PPP1R16A: variants seen among roughly 807,000 people sequenced by gnomAD.
PPP1R16A encodes the protein myosin phosphatase-targeting subunit 3.
PPP1R16A carries 39 observed loss-of-function variants against 46.6 expected under a neutral mutation model. That is an observed-to-expected ratio of 0.84 (90% confidence interval 0.65 to 1.09). The LOEUF (loss-of-function observed/expected upper bound fraction) is 1.09, where lower values mean the gene tolerates loss of function less well. Ranked by LOEUF, PPP1R16A falls within the 50% of genes least tolerant of loss-of-function variation. The pLI is 0.00. For synonymous variants in PPP1R16A, 413 were observed against 321.5 expected, an observed-to-expected ratio of 1.28 and a Z score of -3.04; for missense variants, 798 against 735.6, an observed-to-expected ratio of 1.08 and a Z score of -0.98.
At position 144,500,945 on chromosome 8, in the gene PPP1R16A, C is replaced by T. The variant is rs780826085; in HGVS notation, c.1011C>T (p.Arg337=). ...GCCGCCAGCGCTCCTTGCTGCGCCG[C>T]CGCACCTCCAGCGCCGGCAGCCGCG... ...AQSRQRSLLR[R]RTSSAGSRGK... is the part of the protein sequence containing the mutation. The change falls in exon 10 of 12, where the codon CGC becomes CGT. Residue 337 remains arginine (R), a synonymous_variant. Coordinates refer to ENST00000435887, the MANE Select transcript of PPP1R16A (RefSeq NM_001329443.2). The T allele has an allele frequency of 2.0e-6, 3 of 1,498,058 alleles. No homozygotes were observed. Among genetic ancestry groups the T allele is most frequent in the Non-Finnish European group, 2.7e-6 (3 of 1,130,388 alleles). The allele number at this position is 1,498,058 out of a possible 1,614,324, so 92.8% of individuals were successfully genotyped here.
rs1332663725 is a variant in PPP1R16A, at chr8:144,501,460, C to G, written c.1204-60C>G. ...TCCCTTCATGACCATACAGCCTGAA[C>G]CCAAGGCCAGGGAGGGGGGAGGAGC... is the stretch of plus-strand genomic sequence containing the variant. On this transcript the variant is annotated intron_variant, in intron 11 of 11. Transcript: ENST00000435887. The G allele has an allele frequency of 5.4e-6, 8 of 1,487,160 alleles. No individual in the cohort carries two copies. The Admixed American group carries it at 1.6e-4, about 30-fold the overall frequency. The allele number at this position is 1,487,160 out of a possible 1,614,324, so 92.1% of individuals were successfully genotyped here.
At position 144,499,058 on chromosome 8, in the gene PPP1R16A, C is replaced by A; in HGVS notation, c.473C>A (p.Ala158Asp). ...GHLHLVELLI[A>D]SGANLLAVNT... ...CTGCACCTGGTGGAGCTGCTCATCG[C>A]CAGGTAGGGCCTGTTGGGCGTCCTT... The change falls in exon 5 of 12, where the codon GCC becomes GAC. Residue 158 changes from alanine to aspartate, a missense_variant. By Grantham distance (126) the Ala-to-Asp change is moderately radical (BLOSUM62 -2). Transcript: ENST00000435887. 1 of 1,574,540 alleles carries A rather than the reference C, an allele frequency of 6.4e-7. No individual in the cohort carries two copies. The highest frequency in any genetic ancestry group is 8.6e-7 in the Non-Finnish European group (1 of 1,157,232).
At position 144,500,370 on chromosome 8, in the gene PPP1R16A, C is replaced by T. The variant is rs777485072; in HGVS notation, c.684C>T (p.Pro228=). The change falls in exon 7 of 12, where the codon CCC becomes CCT. Residue 228 remains proline, a synonymous_variant. Coordinates refer to ENST00000435887, the MANE Select transcript of PPP1R16A (RefSeq NM_001329443.2). ...AGGCCGGGGCAGACCTCCATGCCCC[C>T]CTGGACCACGGGGCCACGCTGGTGA... ...RLQAGADLHA[P]LDHGATLLHV... The T allele has an allele frequency of 1.0e-5, 16 of 1,531,784 alleles. No homozygotes were observed. The African/African-American group carries it at 1.9e-4, about 18-fold the overall frequency. 94.9% of individuals were successfully genotyped at this position (1,531,784 alleles called of 1,614,324 possible).
chr8:144,480,272 G>A (rs530374208), intron 1 of PPP1R16A, among the ~76,000 whole-genome samples: 2 of 152,186 alleles, frequency 1.3e-5, no homozygotes, highest in African/African-American at 4.8e-5. Flanking sequence ...ACTGTGAAGG[G>A]CTAGGCAGCA....
chr8:144,489,645 C>G (rs930447310), intron 1 of PPP1R16A, among the ~76,000 whole-genome samples: 1 of 152,168 alleles, frequency 6.6e-6, no homozygotes, highest in Non-Finnish European at 1.5e-5. Flanking sequence ...CTGTACACCC[C>G]GATGCCTTCT....
chr8:144,478,406 C>T (rs1825263575), intron 1 of PPP1R16A: 3 of 323,106 alleles, frequency 9.3e-6, no homozygotes, highest in East Asian at 4.6e-5. Context: ...GCACAGGTCC[C>T]GCCGGGCCGC....
At chr8:144,494,458 G>A (rs368528082) in intron 2 of PPP1R16A, among the ~76,000 whole-genome samples, 64 of 151,730 alleles carry the variant, frequency 4.2e-4, no homozygotes, top group African/African-American at 7.0e-4. Context: ...GACCACAGGC[G>A]CATGCCACCA....
intron 1 of PPP1R16A, among the ~76,000 whole-genome samples, chr8:144,486,748 A>G (rs1162723828): frequency 1.3e-5 from 2 of 152,176 alleles, no homozygotes; most frequent in Non-Finnish European, 2.9e-5. Flanking sequence ...TGTTCTTGAC[A>G]GCAGTCCTTT....
At chr8:144,483,468 G>A (rs989800495) in intron 1 of PPP1R16A, among the ~76,000 whole-genome samples, 18 of 152,284 alleles carry the variant, frequency 1.2e-4, no homozygotes, top group African/African-American at 4.3e-4. Context: ...GGAGTGCAGT[G>A]GCACCATCTT....
At chr8:144,484,523 T>C (rs974195228) in intron 1 of PPP1R16A, among the ~76,000 whole-genome samples, 25 of 152,370 alleles carry the variant, frequency 1.6e-4, no homozygotes, top group African/African-American at 6.0e-4. Flanking sequence ...TTGAGTCTCT[T>C]TTCAAATGCA....
At chr8:144,482,673 T>G (rs77985315) in intron 1 of PPP1R16A, among the ~76,000 whole-genome samples, 1 of 150,386 alleles carries the variant, frequency 6.6e-6, no homozygotes, top group African/African-American at 2.4e-5. Flanking sequence ...TTTTTTTTTT[T>G]TGGGACAGTC....
chr8:144,500,689 C>A lies in PPP1R16A; in HGVS notation c.835C>A (p.Pro279Thr), dbSNP rs749868522. ...LHAAAYWGQV[P>T]LVELLVAHGA... is the part of the protein sequence containing the mutation. ...AGCTCCGGCCTGCCGTCCACAGGTG[C>A]CCCTGGTGGAGCTGCTCGTGGCGCA... Residue 279 changes from proline (P) to threonine (T), a missense_variant, in exon 9 of 12, where the codon CCC (proline) becomes ACC (threonine). By Grantham distance (38) the Pro-to-Thr change is conservative. Transcript: ENST00000435887. The A allele has an allele frequency of 1.2e-6, 2 of 1,610,552 alleles. No individual in the cohort carries two copies. Among genetic ancestry groups the A allele is most frequent in the African/African-American group, 1.3e-5 (1 of 74,900 alleles).
At chr8:144,485,946 G>A (rs1197292123) in intron 1 of PPP1R16A, among the ~76,000 whole-genome samples, 6 of 152,164 alleles carry the variant, frequency 3.9e-5, no homozygotes, top group African/African-American at 9.7e-5. Flanking sequence ...GGGTGTGGGC[G>A]TTGAGGTCGG....
At chr8:144,501,013 C>G (rs1158697206) in intron 10 of PPP1R16A, 42 bp downstream of exon 10, 12 of 1,461,402 alleles carry the variant, frequency 8.2e-6, no homozygotes, top group Non-Finnish European at 8.1e-6. Context: ...GGCTTGGCCC[C>G]GCGGACGTCA....
rs1422831305 is a variant in PPP1R16A, at chr8:144,497,119, C to T, written c.-76C>T. 8 of 1,523,156 alleles carry T rather than the reference C, an allele frequency of 5.3e-6. No homozygotes were observed. Among genetic ancestry groups the T allele is most frequent in the South Asian group, 1.2e-5 (1 of 83,514 alleles). The allele number at this position is 1,523,156 out of a possible 1,614,324, so 94.4% of individuals were successfully genotyped here. On this transcript the variant is annotated 5_prime_UTR_variant, in exon 3 of 12. Coordinates refer to ENST00000435887, the MANE Select transcript of PPP1R16A (RefSeq NM_001329443.2). ...GGTGCCAGTCCAGCTAGCTGCCCCA[C>T]CCCTCAGGCCCAGCCTGGCCCCCAA...
intron 1 of PPP1R16A, among the ~76,000 whole-genome samples, chr8:144,482,586 A>G (rs540625544): frequency 6.6e-6 from 1 of 150,558 alleles, no homozygotes; most frequent in East Asian, 2.0e-4. Flanking sequence ...TCCCGGGTTT[A>G]AGCAGTTCTC....
In PPP1R16A at chr8:144,479,827, C is replaced by T. The variant is rs570656043; in HGVS notation, c.-914+1700C>T. ...TGCCGAGGCTCTCCTGGCACTGGTG[C>T]ACGCACACCTAAAGGGAGGCCTTTT... On this transcript the variant is annotated intron_variant, in intron 1 of 11. Transcript: ENST00000435887. Among the ~76,000 whole-genome samples, 27 of 152,288 alleles carry T rather than the reference C, an allele frequency of 1.8e-4. No homozygotes were observed. In the East Asian group the frequency reaches 3.1e-3, roughly 17 times the overall value.
rs915738308 is a variant in PPP1R16A, at chr8:144,490,156, T to A, written c.-791T>A. ...GCCCACGTGTGGACACCGCTGTGGG[T>A]TGGTGGCAGGGGTCGAGCAGGTGCC... On this transcript the variant is annotated 5_prime_UTR_variant, in exon 2 of 12. In the 5' UTR this introduces an upstream ATG that the reference lacks. Coordinates refer to ENST00000435887, the MANE Select transcript of PPP1R16A (RefSeq NM_001329443.2). 2.6e-5 allele frequency: 4 copies of A among 152,186 alleles called. No homozygotes were observed. Among genetic ancestry groups the A allele is most frequent in the African/African-American group, 9.7e-5 (4 of 41,394 alleles). 9.4% of individuals were successfully genotyped at this position (152,186 alleles called of 1,614,324 possible).
In PPP1R16A at chr8:144,493,647, G is replaced by T. The variant is rs1015104971; in HGVS notation, c.-734-2814G>T. On this transcript the variant is annotated intron_variant, in intron 2 of 11. Coordinates refer to ENST00000435887, the MANE Select transcript of PPP1R16A (RefSeq NM_001329443.2). The surrounding 1 kb of genome is among the most constrained non-coding windows in gnomAD (Gnocchi z 4.3). ...CTGAGGGTGATTCCTGGGCAGGGAGGCCAGAGGGGGACGCTTAGGGCTCAG... is the reference window on the plus strand; with the variant it reads ...CTGAGGGTGATTCCTGGGCAGGGAGTCCAGAGGGGGACGCTTAGGGCTCAG... Among the ~76,000 whole-genome samples, 1 of 152,112 alleles carries T rather than the reference G, an allele frequency of 6.6e-6. No individual in the cohort carries two copies. The highest frequency in any genetic ancestry group is 2.4e-5 in the African/African-American group (1 of 41,434).
Sources: allele counts gnomAD v4.1 joint callset (sites outside exome capture counted in the v4.1 genomes callset), GRCh38; gene constraint gnomAD v4.1.1; non-coding constraint Gnocchi (gnomAD v3.1); transcripts MANE v1.5; gene names NCBI Gene and HGNC (gene_info 2026-07-23, HGNC 2026-07-21).